The following DLGAP2 variants were observed in gnomAD, a reference collection of about 807,000 sequenced individuals.
DLGAP2 encodes DLG associated protein 2, also known as disks large-associated protein 2.
Under a neutral mutation model 100.3 loss-of-function variants are expected in DLGAP2, and 26 were observed. The ratio of observed to expected loss-of-function variants is 0.26; its 90% confidence interval spans 0.19 to 0.36. DLGAP2 has a LOEUF of 0.36. Ranked by LOEUF, DLGAP2 falls within the 10% of genes least tolerant of loss-of-function variation. The pLI, the probability that DLGAP2 is intolerant of heterozygous loss-of-function variation, is 1.00. For synonymous variants in DLGAP2, 886 were observed against 630.1 expected, an observed-to-expected ratio of 1.41 and a Z score of -6.08; for missense variants, 1,858 against 1,453.2, an observed-to-expected ratio of 1.28 and a Z score of -4.53.
At chr8:1,691,406 T>G in intron 12 of DLGAP2, 129 bp from the exon 13 acceptor site, 1 of 739,642 alleles carries the variant, frequency 1.4e-6, no homozygotes, top group Non-Finnish European at 2.2e-6. Context: ...GCGAACACGC[T>G]CGGCACGATG....
chr8:1,579,548 A>G (rs973549019), intron 6 of DLGAP2, among the ~76,000 whole-genome samples: 1 of 152,144 alleles, frequency 6.6e-6, no homozygotes, highest in Non-Finnish European at 1.5e-5. Context: ...ATAAGTAACA[A>G]ATGTTTATAT....
intron 2 of DLGAP2, among the ~76,000 whole-genome samples, chr8:980,446 A>G (rs113429023): frequency 1.1e-3 from 160 of 152,346 alleles, no homozygotes; most frequent in African/African-American, 3.2e-3. Flanking sequence ...ATCAGCCACA[A>G]TTGAGCCAAG....
At chr8:1,096,118 G>A (rs911573753) in intron 2 of DLGAP2, among the ~76,000 whole-genome samples, 2 of 152,204 alleles carry the variant, frequency 1.3e-5, no homozygotes, top group Non-Finnish European at 2.9e-5. Context: ...TCACACAAGT[G>A]TGTAAACGTG....
At chr8:1,506,268 T>C (rs1799909403) in intron 4 of DLGAP2, among the ~76,000 whole-genome samples, 1 of 152,234 alleles carries the variant, frequency 6.6e-6, no homozygotes, top group Non-Finnish European at 1.5e-5. Context: ...TACCTATACT[T>C]GTCATTTTAT....
At chr8:1,198,160 C>G (rs139192807) in intron 2 of DLGAP2, among the ~76,000 whole-genome samples, 1 of 152,024 alleles carries the variant, frequency 6.6e-6, no homozygotes, top group African/African-American at 2.4e-5. Flanking sequence ...CCACACAGGC[C>G]CTCCGGTGTG....
intron 3 of DLGAP2, among the ~76,000 whole-genome samples, chr8:1,375,138 C>T (rs1265039608): frequency 7.3e-6 from 1 of 136,722 alleles, no homozygotes; most frequent in Admixed American, 7.4e-5. Context: ...CACCTCTCCA[C>T]GACCTCAGAA....
intron 2 of DLGAP2, among the ~76,000 whole-genome samples, chr8:970,723 G>A (rs1205246935): frequency 6.6e-6 from 1 of 152,072 alleles, no homozygotes; most frequent in Non-Finnish European, 1.5e-5. Context: ...AAAATTTAGT[G>A]TAGGAAAAAA....
intron 2 of DLGAP2, among the ~76,000 whole-genome samples, chr8:927,781 C>T (rs1195715760): frequency 1.3e-5 from 2 of 151,914 alleles, no homozygotes; most frequent in Non-Finnish European, 2.9e-5. Flanking sequence ...CTTGGTCGTT[C>T]CTGGAGATTA....
chr8:1,233,386 T>C (rs1798577442), intron 2 of DLGAP2, among the ~76,000 whole-genome samples: 2 of 152,224 alleles, frequency 1.3e-5, no homozygotes, highest in African/African-American at 4.8e-5. Context: ...AAGACTCAGC[T>C]GTAACCTCCT....
At chr8:1,695,375 A>G (rs1393626515) in intron 13 of DLGAP2, among the ~76,000 whole-genome samples, 1 of 138,434 alleles carries the variant, frequency 7.2e-6, no homozygotes, top group African/African-American at 3.0e-5. Flanking sequence ...GCCCGGCCCT[A>G]CAGAAAGAGG....
chr8:1,373,314 G>T (rs538760443), intron 3 of DLGAP2, among the ~76,000 whole-genome samples: 9 of 151,968 alleles, frequency 5.9e-5, no homozygotes, highest in African/African-American at 1.9e-4. Context: ...GCGGGCGGCA[G>T]CTGACGGGCG....
At chr8:778,508 A>G (rs1460618282) in intron 1 of DLGAP2, among the ~76,000 whole-genome samples, 2 of 152,196 alleles carry the variant, frequency 1.3e-5, no homozygotes, top group African/African-American at 4.8e-5. Context: ...TGATGGTGAT[A>G]TACAGATGGG....
chr8:797,912 G>A (rs1181610467), intron 1 of DLGAP2, among the ~76,000 whole-genome samples: 3 of 152,008 alleles, frequency 2.0e-5, no homozygotes, highest in African/African-American at 7.2e-5. Context: ...CACCACACCT[G>A]GCTAATTTTT....
At chr8:1,605,838 T>C (rs146369977) in intron 6 of DLGAP2, among the ~76,000 whole-genome samples, 27 of 152,346 alleles carry the variant, frequency 1.8e-4, no homozygotes, top group African/African-American at 6.5e-4. Flanking sequence ...TAATAATCCA[T>C]GGCAAATGTT....
intron 2 of DLGAP2, among the ~76,000 whole-genome samples, chr8:1,008,445 A>T (rs986829268): frequency 1.6e-4 from 25 of 152,272 alleles, no homozygotes; most frequent in Non-Finnish European, 3.2e-4. Context: ...AACTTTTAAA[A>T]AGAAGTAATT....
chr8:1,280,838 C>T (rs1252420879), intron 3 of DLGAP2, among the ~76,000 whole-genome samples: 1 of 152,182 alleles, frequency 6.6e-6, no homozygotes, highest in Admixed American at 6.5e-5. Flanking sequence ...GACACATAGG[C>T]CATCCTAGGG....
intron 3 of DLGAP2, among the ~76,000 whole-genome samples, chr8:1,429,421 G>T (rs908236784): frequency 6.6e-6 from 1 of 152,170 alleles, no homozygotes; most frequent in African/African-American, 2.4e-5. Flanking sequence ...ATGGGGTCCA[G>T]GATTGTGTCT....
At chr8:1,205,438 C>G (rs995078438) in intron 2 of DLGAP2, among the ~76,000 whole-genome samples, 1 of 151,914 alleles carries the variant, frequency 6.6e-6, no homozygotes, top group East Asian at 1.9e-4. Context: ...TGAAAAGGCT[C>G]TAGAAACACG....
At position 1,223,170 on chromosome 8, in the gene DLGAP2, C is replaced by A. The variant is rs554906512; in HGVS notation, c.74-35681C>A. ...TTTCCCTTAGTCCTCCCCTAGGAGT[C>A]ACTCAAGGCCAATAACAAGTCCTGG... On this transcript the variant is annotated intron_variant, in intron 2 of 14. Transcript: ENST00000637795. Among the ~76,000 whole-genome samples the A allele has an allele frequency of 6.6e-5, 10 of 152,306 alleles. No homozygotes were observed. The South Asian group carries it at 2.1e-3, about 32-fold the overall frequency.
Sources: allele counts gnomAD v4.1 joint callset (sites outside exome capture counted in the v4.1 genomes callset), GRCh38; gene constraint gnomAD v4.1.1; transcripts MANE v1.5; gene names NCBI Gene and HGNC (gene_info 2026-07-23, HGNC 2026-07-21).